Variants in EEPD1 observed in about 807,000 individuals in gnomAD.
EEPD1 encodes endonuclease/exonuclease/phosphatase family domain-containing protein 1.
Under a neutral mutation model 46.3 loss-of-function variants are expected in EEPD1, and 17 were observed. The ratio of observed to expected loss-of-function variants is 0.37; its 90% confidence interval spans 0.25 to 0.55. EEPD1 has a LOEUF of 0.55. Ranked by LOEUF, EEPD1 falls within the 20% of genes least tolerant of loss-of-function variation. The pLI, the probability that EEPD1 is intolerant of heterozygous loss-of-function variation, is 0.83. For missense variants in EEPD1, 673 were observed against 745.6 expected (o/e 0.90, Z 1.13); for synonymous variants, 313 against 315.6 (o/e 0.99, Z 0.09).
At chr7:36,240,423 G>T (rs1462842716) in intron 3 of EEPD1, among the ~76,000 whole-genome samples, 1 of 152,170 alleles carries the variant, frequency 6.6e-6, no homozygotes, top group Admixed American at 6.5e-5. Flanking sequence ...TTTCTATCTT[G>T]GGTAAACCAA....
chr7:36,232,291 G>A (rs1387928558), intron 2 of EEPD1, among the ~76,000 whole-genome samples: 1 of 151,110 alleles, frequency 6.6e-6, no homozygotes, highest in Non-Finnish European at 1.5e-5. Flanking sequence ...TGCAACCTCC[G>A]CCTCCCAGGT....
At chr7:36,279,908 C>T (rs751025850) in intron 3 of EEPD1, among the ~76,000 whole-genome samples, 5 of 152,170 alleles carry the variant, frequency 3.3e-5, no homozygotes, top group Admixed American at 6.5e-5. Flanking sequence ...GGTCCAGTGA[C>T]GGACTTCTTA....
intron 2 of EEPD1, among the ~76,000 whole-genome samples, chr7:36,197,101 G>A (rs1173616459): frequency 7.0e-6 from 1 of 142,264 alleles, no homozygotes; most frequent in African/African-American, 2.7e-5. Flanking sequence ...CTGCCCGGCC[G>A]CCCCATCTGA....
At chr7:36,159,485 G>A (rs1338246252) in intron 2 of EEPD1, among the ~76,000 whole-genome samples, 1 of 152,238 alleles carries the variant, frequency 6.6e-6, no homozygotes, top group Non-Finnish European at 1.5e-5. Flanking sequence ...GGCTCTGAGA[G>A]GTTAAATAGC....
chr7:36,283,116 G>C (rs1327198931), intron 4 of EEPD1, among the ~76,000 whole-genome samples: 1 of 152,168 alleles, frequency 6.6e-6, no homozygotes, highest in African/African-American at 2.4e-5. Context: ...AAGATGAAAT[G>C]ATTTGCCCAC....
intron 2 of EEPD1, among the ~76,000 whole-genome samples, chr7:36,211,925 CA>C (rs34244121): frequency 0.35 from 36,978 of 106,892 alleles, 4,551 homozygotes; most frequent in East Asian, 0.47. Context: ...GACTCCATCT[CA>C]AAAAAAAAAA....
chr7:36,288,122 C>T (rs989671912), intron 6 of EEPD1, among the ~76,000 whole-genome samples: 11 of 152,106 alleles, frequency 7.2e-5, no homozygotes, highest in African/African-American at 9.7e-5. Context: ...CCGGTGGTGC[C>T]GCCTGCAGAT....
rs567493491 is a variant in EEPD1, at chr7:36,234,296, A to T, written c.879-4689A>T. ...CACTTCTTGAAGCTGCTTTTAAATT[A>T]GCCATTGTATTTGGTGAGACAGTGT... On this transcript the variant is annotated intron_variant, in intron 2 of 7. Transcript: ENST00000242108. Among the ~76,000 whole-genome samples, 25 of 152,290 alleles carry T rather than the reference A, an allele frequency of 1.6e-4. 1 individual carries two copies. The highest frequency in any genetic ancestry group is 4.6e-4 in the Admixed American group (7 of 15,294).
At chr7:36,183,888 T>TTTTTTTTTTTTTTTTTTTTTTTTTTG (rs3053348) in intron 2 of EEPD1, among the ~76,000 whole-genome samples, 20 of 135,476 alleles carry the variant, frequency 1.5e-4, no homozygotes, top group Non-Finnish European at 2.8e-4. Flanking sequence ...TTTTTTTTTT[T>TTTTTTTTTTTTTTTTTTTTTTTTTTG]ATTTTTAAAA....
chr7:36,215,442 G>A (rs868073371), intron 2 of EEPD1, among the ~76,000 whole-genome samples: 30 of 152,332 alleles, frequency 2.0e-4, no homozygotes, highest in Middle Eastern at 3.4e-3. Context: ...TAGGTGGAAC[G>A]TTTTCCTCTT....
Position 36,225,094 on chromosome 7 carries a change from G to A in EEPD1, c.879-13891G>A, listed in dbSNP as rs10230703. Reference sequence around the variant, plus strand: ...CCTCTCGAGCCTCCAGAGGGAGTGCGGCCATTCCGATAGCTTGATTTCAGC... The same window carrying A: ...CCTCTCGAGCCTCCAGAGGGAGTGCAGCCATTCCGATAGCTTGATTTCAGC... On this transcript the variant is annotated intron_variant, in intron 2 of 7. Coordinates refer to ENST00000242108, the MANE Select transcript of EEPD1 (RefSeq NM_030636.3). The surrounding 1 kb of genome is among the most constrained non-coding windows in gnomAD (Gnocchi z 4.2). Among the ~76,000 whole-genome samples the A allele has an allele frequency of 1.3e-5, 2 of 152,082 alleles. No homozygotes were observed. Among genetic ancestry groups the A allele is most frequent in the South Asian group, 2.1e-4 (1 of 4,798 alleles).
intron 2 of EEPD1, among the ~76,000 whole-genome samples, chr7:36,163,913 C>T (rs1784941949): frequency 6.7e-6 from 1 of 149,348 alleles, no homozygotes. Flanking sequence ...CTATTCTGTT[C>T]AGTAATGCTT....
At chr7:36,179,410 G>A (rs548462588) in intron 2 of EEPD1, among the ~76,000 whole-genome samples, 1 of 152,228 alleles carries the variant, frequency 6.6e-6, no homozygotes, top group East Asian at 1.9e-4. Flanking sequence ...GGTTGAAGTT[G>A]TGATGCATTA....
chr7:36,222,858 T>C (rs1330982999), intron 2 of EEPD1, among the ~76,000 whole-genome samples: 1 of 152,142 alleles, frequency 6.6e-6, no homozygotes, highest in Non-Finnish European at 1.5e-5. Context: ...GCCATCACAC[T>C]GGTCATTAAA....
rs1161316498 is a variant in EEPD1 at position 36,193,232 on chromosome 7, T to C, written c.878+38030T>C. 6.6e-6 allele frequency among the ~76,000 whole-genome samples: 1 copy of C among 151,926 alleles called. No individual in the cohort carries two copies. Among genetic ancestry groups the C allele is most frequent in the African/African-American group, 2.4e-5 (1 of 41,336 alleles). ...CAGGGAAGGGTCCCAGAAGAACTGA[T>C]GAGGAATGCCAAGGTGGAAGTGCCA... On this transcript the variant is annotated intron_variant, in intron 2 of 7. Transcript: ENST00000242108. The surrounding 1 kb of genome is among the most constrained non-coding windows in gnomAD (Gnocchi z 4.9).
At chr7:36,232,979 T>A (rs1234807581) in intron 2 of EEPD1, among the ~76,000 whole-genome samples, 3 of 152,170 alleles carry the variant, frequency 2.0e-5, no homozygotes, top group African/African-American at 7.2e-5. Flanking sequence ...AGTGTTGAGA[T>A]CTTTTCTTTA....
intron 2 of EEPD1, among the ~76,000 whole-genome samples, chr7:36,216,977 C>G (rs761044035): frequency 1.3e-5 from 2 of 152,186 alleles, no homozygotes; most frequent in Admixed American, 6.5e-5. Flanking sequence ...TAAAACTTTT[C>G]TGCCATAACT....
At chr7:36,183,527 A>T (rs147220104) in intron 2 of EEPD1, among the ~76,000 whole-genome samples, 1 of 151,850 alleles carries the variant, frequency 6.6e-6, no homozygotes, top group Non-Finnish European at 1.5e-5. Context: ...TTCACACCTG[A>T]TGGGAGAACT....
In EEPD1 at chr7:36,230,017, A is replaced by G. The variant is rs151157094; in HGVS notation, c.879-8968A>G. On this transcript the variant is annotated intron_variant, in intron 2 of 7. Coordinates refer to ENST00000242108, the MANE Select transcript of EEPD1 (RefSeq NM_030636.3). ...GTCCCAAAGCCCTGAACCCCAGTGT[A>G]TCCAAGACCAGACTCGCATCTTCAG... Among the ~76,000 whole-genome samples the G allele has an allele frequency of 6.3e-3, 952 of 152,162 alleles. 5 individuals are homozygous for G. The highest frequency in any genetic ancestry group is 0.022 in the African/African-American group (893 of 41,512).
Sources: gnomAD v4.1 joint callset for allele counts (sites outside exome capture counted in the v4.1 genomes callset) on GRCh38, gnomAD v4.1.1 for gene constraint, Gnocchi (gnomAD v3.1) non-coding constraint, MANE v1.5 for transcripts, NCBI Gene and HGNC (gene_info 2026-07-23, HGNC 2026-07-21) for gene names.